The following UNC5D variants were observed in gnomAD, a reference collection of about 807,000 sequenced individuals.
UNC5D encodes the protein netrin receptor UNC5D.
UNC5D carries 39 observed loss-of-function variants against 105.4 expected under a neutral mutation model. The ratio of observed to expected loss-of-function variants is 0.37; its 90% CI spans 0.29 to 0.48. The LOEUF is 0.48. Among genes scored for constraint, UNC5D ranks in the 20% least tolerant of loss-of-function variants. The pLI, the probability that UNC5D is intolerant of heterozygous loss-of-function variation, is 0.98. For missense variants in UNC5D, 991 were observed against 1,202.4 expected (o/e 0.82, Z 2.60); for synonymous variants, 452 against 450.4 (o/e 1.00, Z -0.04).
intron 1 of UNC5D, among the ~76,000 whole-genome samples, chr8:35,244,103 A>G (rs1405549005): frequency 6.6e-6 from 1 of 152,166 alleles, no homozygotes; most frequent in Non-Finnish European, 1.5e-5. Flanking sequence ...GCAACTTAAC[A>G]TTTTTAGGGG....
At chr8:35,386,499 A>G (rs866776608) in intron 1 of UNC5D, among the ~76,000 whole-genome samples, 1 of 152,308 alleles carries the variant, frequency 6.6e-6, no homozygotes. Flanking sequence ...GTGCTGTGAA[A>G]GGGAAATCGA....
chr8:35,543,043 T>C (rs1815382450), intron 1 of UNC5D, among the ~76,000 whole-genome samples: 2 of 152,252 alleles, frequency 1.3e-5, no homozygotes, highest in African/African-American at 2.4e-5. Flanking sequence ...ATGAGAAAAA[T>C]GGAACATCAG....
rs780355545 is a variant in UNC5D, at chr8:35,643,096, G to A, written c.571-40451G>A. On this transcript the variant is annotated intron_variant, in intron 4 of 16. Coordinates refer to ENST00000404895, the MANE Select transcript of UNC5D (RefSeq NM_080872.4). ...CCCTGATTCATGGCTTCTCAGCCTC[G>A]GCACTGTTGGCATTTTGGTCCAGAG... Among the ~76,000 whole-genome samples the A allele has an allele frequency of 1.1e-3, 166 of 152,090 alleles. 1 individual carries two copies. Among genetic ancestry groups the A allele is most frequent in the Non-Finnish European group, 2.9e-4 (20 of 68,012 alleles).
chr8:35,484,973 A>G (rs1810734087), intron 1 of UNC5D, among the ~76,000 whole-genome samples: 3 of 152,220 alleles, frequency 2.0e-5, no homozygotes, highest in Non-Finnish European at 2.9e-5. Context: ...ACTAATAAAT[A>G]TATTTGCCTT....
intron 1 of UNC5D, among the ~76,000 whole-genome samples, chr8:35,378,967 A>C (rs1424625492): frequency 2.0e-5 from 3 of 152,158 alleles, no homozygotes; most frequent in African/African-American, 7.2e-5. Flanking sequence ...GCAGGAGTGG[A>C]TGTGATTCAG....
At chr8:35,789,416 G>A (rs1055418330) in intron 16 of UNC5D, among the ~76,000 whole-genome samples, 7 of 151,168 alleles carry the variant, frequency 4.6e-5, no homozygotes, top group East Asian at 2.0e-4. Flanking sequence ...GGAGAGCAAC[G>A]GAGAAGCTGA....
chr8:35,525,196 C>A, intron 1 of UNC5D: 1 of 1,610,874 alleles, frequency 6.2e-7, no homozygotes, highest in Non-Finnish European at 8.5e-7. Flanking sequence ...AGGGCAGCCT[C>A]CTTCTGTGGT....
rs1563664058 is a variant in UNC5D, at chr8:35,682,374, G to T, written c.571-1173G>T. 2.6e-5 allele frequency among the ~76,000 whole-genome samples: 4 copies of T among 152,222 alleles called. No individual in the cohort carries two copies. In the South Asian group the frequency reaches 6.2e-4, roughly 24 times the overall value. On this transcript the variant is annotated intron_variant, in intron 4 of 16. Coordinates refer to ENST00000404895, the MANE Select transcript of UNC5D (RefSeq NM_080872.4). ...GTGAGCTGTGCTTGTGGTGAGCAGA[G>T]TATGATGAAATGCCCCTGATGTGTA...
chr8:35,395,185 A>C (rs1033781300), intron 1 of UNC5D, among the ~76,000 whole-genome samples: 1 of 152,224 alleles, frequency 6.6e-6, no homozygotes, highest in Non-Finnish European at 1.5e-5. Context: ...TATTCAAAGC[A>C]GTATTATTTT....
chr8:35,444,862 A>G (rs1290751654), intron 1 of UNC5D, among the ~76,000 whole-genome samples: 1 of 152,040 alleles, frequency 6.6e-6, no homozygotes, highest in African/African-American at 2.4e-5. Flanking sequence ...TTAGTTAGTA[A>G]TTTTGATATT....
At chr8:35,278,620 G>T (rs1441865018) in intron 1 of UNC5D, among the ~76,000 whole-genome samples, 1 of 151,892 alleles carries the variant, frequency 6.6e-6, no homozygotes, top group East Asian at 1.9e-4. Context: ...AATTATATAT[G>T]TATATGGTAT....
At chr8:35,476,617 T>C (rs545245710) in intron 1 of UNC5D, among the ~76,000 whole-genome samples, 1 of 152,078 alleles carries the variant, frequency 6.6e-6, no homozygotes, top group Admixed American at 6.6e-5. Flanking sequence ...ATGACAAGTG[T>C]CTTCCCTTCG....
chr8:35,735,087 C>G (rs563129829), intron 11 of UNC5D, among the ~76,000 whole-genome samples: 1 of 152,246 alleles, frequency 6.6e-6, no homozygotes, highest in Admixed American at 6.5e-5. Flanking sequence ...GCCTTTAGAT[C>G]ATTTTAATAA....
chr8:35,768,007 T>A (rs2131715950), intron 15 of UNC5D, among the ~76,000 whole-genome samples: 1 of 150,194 alleles, frequency 6.7e-6, no homozygotes, highest in South Asian at 2.1e-4. Context: ...AATAAATATA[T>A]ATATACATAT....
intron 7 of UNC5D, among the ~76,000 whole-genome samples, chr8:35,695,104 C>T (rs1424597712): frequency 1.3e-5 from 2 of 152,084 alleles, no homozygotes; most frequent in African/African-American, 4.8e-5. Context: ...TATTTTTGAG[C>T]AGTAATTTGA....
At chr8:35,737,806 A>G (rs1829552278) in intron 11 of UNC5D, among the ~76,000 whole-genome samples, 1 of 152,152 alleles carries the variant, frequency 6.6e-6, no homozygotes, top group Non-Finnish European at 1.5e-5. Flanking sequence ...TTGACATAAC[A>G]TAAGAAATAA....
chr8:35,523,428 C>G (rs1813626902), intron 1 of UNC5D, among the ~76,000 whole-genome samples: 1 of 152,008 alleles, frequency 6.6e-6, no homozygotes, highest in African/African-American at 2.4e-5. Flanking sequence ...TTTTAAAAAG[C>G]AACTATGCAA....
At chr8:35,275,743 C>T (rs1329261449) in intron 1 of UNC5D, among the ~76,000 whole-genome samples, 1 of 152,158 alleles carries the variant, frequency 6.6e-6, no homozygotes, top group Non-Finnish European at 1.5e-5. Flanking sequence ...TCAAGTTTAT[C>T]TCCTGGGGCT....
chr8:35,348,084 CT>C (rs1173855785), intron 1 of UNC5D, among the ~76,000 whole-genome samples: 10 of 151,866 alleles, frequency 6.6e-5, no homozygotes, highest in African/African-American at 2.4e-4. Flanking sequence ...GGTTATCTGC[CT>C]TTTCTCCTGA....
Sources: gnomAD v4.1 joint callset for allele counts (sites outside exome capture counted in the v4.1 genomes callset) on GRCh38, gnomAD v4.1.1 for gene constraint, MANE v1.5 for transcripts, NCBI Gene and HGNC (gene_info 2026-07-23, HGNC 2026-07-21) for gene names.